NDUFAF6: variants seen among roughly 807,000 people sequenced by gnomAD.
NDUFAF6 encodes the protein NADH dehydrogenase (ubiquinone) complex I, assembly factor 6.
NDUFAF6 carries 45 observed loss-of-function variants against 40.8 expected under a neutral mutation model. The ratio of observed to expected loss-of-function variants is 1.10; its 90% CI spans 0.87 to 1.42. The LOEUF (loss-of-function observed/expected upper bound fraction) is 1.42, where lower values mean the gene tolerates loss of function less well. Among genes scored for constraint, NDUFAF6 ranks in the 40% most tolerant of loss-of-function variants. NDUFAF6 has a pLI of 0.00. For synonymous variants in NDUFAF6, 185 were observed against 155.9 expected (o/e 1.19, Z -1.39); for missense variants, 435 against 418.5 (o/e 1.04, Z -0.34).
intron 4 of NDUFAF6, among the ~76,000 whole-genome samples, chr8:95,110,042 A>G (rs964316041): frequency 5.9e-5 from 9 of 152,220 alleles, no homozygotes; most frequent in African/African-American, 2.2e-4. Context: ...CTAATGATCC[A>G]TTATGTGTTA....
intron 1 of NDUFAF6, among the ~76,000 whole-genome samples, chr8:94,959,174 G>A (rs764630332): frequency 2.0e-4 from 31 of 152,320 alleles, no homozygotes; most frequent in Non-Finnish European, 3.5e-4. Context: ...TGTGAGTGAT[G>A]GGGCTGGCAC....
chr8:95,094,377 TCCTTCTTTC>T (rs1563865537), intron 2 of NDUFAF6, among the ~76,000 whole-genome samples: 21 of 57,292 alleles, frequency 3.7e-4, no homozygotes, highest in East Asian at 1.3e-3. Context: ...TTCTTTTCTT[TCCTTCTTTC>T]TTTTCTTTTC....
At chr8:94,942,803 A>G (rs1248522524) in intron 1 of NDUFAF6, among the ~76,000 whole-genome samples, 1 of 152,166 alleles carries the variant, frequency 6.6e-6, no homozygotes, top group Non-Finnish European at 1.5e-5. Context: ...AAGGAACACT[A>G]TGGAAGCCTG....
chr8:95,109,665 C>A (rs181540159), intron 4 of NDUFAF6, among the ~76,000 whole-genome samples: 44 of 152,190 alleles, frequency 2.9e-4, no homozygotes, highest in Admixed American at 1.3e-3. Context: ...CTTCTCATGA[C>A]CCCATATCAC....
chr8:94,914,471 G>A (rs1341697440), intron 1 of NDUFAF6, among the ~76,000 whole-genome samples: 1 of 152,166 alleles, frequency 6.6e-6, no homozygotes, highest in Non-Finnish European at 1.5e-5. Context: ...TCCAGCCACC[G>A]CCAGTTTTAT....
At chr8:94,999,530 C>T (rs1431919396) in intron 2 of NDUFAF6, among the ~76,000 whole-genome samples, 1 of 152,140 alleles carries the variant, frequency 6.6e-6, no homozygotes, top group Non-Finnish European at 1.5e-5. Flanking sequence ...AATTCTCTGG[C>T]CTCAGCCTCC....
chr8:95,031,600 C>T (rs1828846907), intron 1 of NDUFAF6, among the ~76,000 whole-genome samples: 1 of 152,042 alleles, frequency 6.6e-6, no homozygotes, highest in Admixed American at 6.6e-5. Context: ...TGAAGCCTCA[C>T]GTTGTTATTG....
At chr8:95,071,407 A>G in intron 9 of NDUFAF6, among the ~76,000 whole-genome samples, 1 of 150,498 alleles carries the variant, frequency 6.6e-6, no homozygotes, top group East Asian at 1.9e-4. Flanking sequence ...CCAAAAGAAA[A>G]AAAAAAAAAA....
upstream of NDUFAF6, among the ~76,000 whole-genome samples, chr8:95,022,447 A>G (rs1027086723): frequency 6.6e-6 from 1 of 151,928 alleles, no homozygotes; most frequent in African/African-American, 2.4e-5. Flanking sequence ...GACACAAAGT[A>G]TATGCATGAG....
rs575654798 is a variant in NDUFAF6, at chr8:95,114,947, A to G, written n.345-589A>G. On this transcript the variant is annotated intron_variant and non_coding_transcript_variant, in intron 4 of 5. Coordinates refer to the NDUFAF6 transcript ENST00000523184. ...CGTGGTGGCAGGTGTTTGTAATCCC[A>G]GCTACTCGGGAGGCTGAGGCAGGTG... Among the ~76,000 whole-genome samples, 7 of 152,256 alleles carry G rather than the reference A, an allele frequency of 4.6e-5. No individual in the cohort carries two copies. In the East Asian group the frequency reaches 5.8e-4, roughly 13 times the overall value.
At chr8:95,062,782 T>A (rs968835096), downstream of NDUFAF6, among the ~76,000 whole-genome samples, 2 of 152,232 alleles carry the variant, frequency 1.3e-5, no homozygotes, top group Admixed American at 1.3e-4. Flanking sequence ...AGACAATGTT[T>A]TATTTGTCTT....
intron 1 of NDUFAF6, among the ~76,000 whole-genome samples, chr8:94,961,933 C>T (rs901200834): frequency 3.9e-5 from 6 of 152,194 alleles, no homozygotes; most frequent in African/African-American, 1.4e-4. Flanking sequence ...TGCCAGGGCC[C>T]GTCTCCAGCA....
chr8:95,092,291 C>T (rs886619099), intron 2 of NDUFAF6, among the ~76,000 whole-genome samples: 3 of 151,486 alleles, frequency 2.0e-5, no homozygotes, highest in African/African-American at 7.3e-5. Context: ...AAGTGATTCT[C>T]CCACCTCAGC....
intron 1 of NDUFAF6, among the ~76,000 whole-genome samples, chr8:95,025,961 G>T (rs1389872240): frequency 6.6e-6 from 1 of 152,190 alleles, no homozygotes; most frequent in African/African-American, 2.4e-5. Flanking sequence ...CAGTGGCTTA[G>T]CCCCTCTGCC....
chr8:95,076,828 G>A (rs551457955), downstream of NDUFAF6, among the ~76,000 whole-genome samples: 12 of 150,298 alleles, frequency 8.0e-5, no homozygotes, highest in South Asian at 4.2e-4. Context: ...AGCCGAGATC[G>A]TGCCATTGCA....
At chr8:94,974,874 A>G (rs1361825122) in intron 1 of NDUFAF6, 1 of 152,526 alleles carries the variant, frequency 6.6e-6, no homozygotes, top group Non-Finnish European at 1.5e-5. Context: ...CTGTCCAGCT[A>G]GAGGCGTGGT....
intron 3 of NDUFAF6, 114 bp downstream of exon 3, chr8:95,035,690 T>G: frequency 9.3e-7 from 1 of 1,080,922 alleles, no homozygotes; most frequent in South Asian, 1.5e-5. Context: ...GAAAATATTC[T>G]TAGGCTTATG....
At chr8:95,103,741 A>G (rs1024676043), downstream of NDUFAF6, among the ~76,000 whole-genome samples, 10 of 152,288 alleles carry the variant, frequency 6.6e-5, no homozygotes, top group African/African-American at 2.4e-4. Flanking sequence ...CCGGGCATGC[A>G]TGGTTCTTTT....
intron 4 of NDUFAF6, among the ~76,000 whole-genome samples, chr8:95,045,334 G>T (rs540034441): frequency 6.6e-6 from 1 of 152,112 alleles, no homozygotes; most frequent in African/African-American, 2.4e-5. Flanking sequence ...TGTATATTGA[G>T]GTTATTCCTG....
Sources: gnomAD v4.1 joint callset for allele counts (sites outside exome capture counted in the v4.1 genomes callset) on GRCh38, gnomAD v4.1.1 for gene constraint, MANE v1.5 for transcripts, NCBI Gene and HGNC (gene_info 2026-07-23, HGNC 2026-07-21) for gene names.